The following RP1L1 variants were observed in gnomAD, a reference collection of about 807,000 sequenced individuals.
RP1L1 encodes the protein RP1 like 1.
In RP1L1, 27 loss-of-function variants were observed where a neutral mutation model predicts 15.7. That is an observed-to-expected ratio of 1.72 (90% confidence interval 1.27 to 2.38). The LOEUF is 2.38. Ranked by LOEUF, RP1L1 falls within the 30% of genes most tolerant of loss-of-function variation. The pLI is 0.00. For missense variants in RP1L1, 4,798 were observed against 3,075.9 expected (o/e 1.56, Z -13.24); for synonymous variants, 1,813 against 1,276.7 (o/e 1.42, Z -8.96).
rs919039498 is a variant in RP1L1 at position 10,625,431 on chromosome 8, G to C, written c.-19-2211C>G. Among the ~76,000 whole-genome samples, 145 of 151,772 alleles carry C rather than the reference G, an allele frequency of 9.6e-4. 1 individual carries two copies. The highest frequency in any genetic ancestry group is 3.3e-3 in the African/African-American group (135 of 41,324). Reference sequence around the variant, plus strand: ...AAAGACACAGGGAAGAGGGGGCCAGGCTGGAGGGTGCGTGTGGGGTGTGGT... The same window carrying C: ...AAAGACACAGGGAAGAGGGGGCCAGCCTGGAGGGTGCGTGTGGGGTGTGGT... On this transcript the variant is annotated intron_variant, in intron 1 of 3. Transcript: ENST00000382483.
intron 2 of RP1L1, among the ~76,000 whole-genome samples, chr8:10,618,402 G>A (rs1353803618): frequency 2.0e-5 from 3 of 152,314 alleles, no homozygotes; most frequent in African/African-American, 4.8e-5. Flanking sequence ...TAGCTACTTG[G>A]GAGGCTGAGG....
At position 10,613,173 on chromosome 8, in the gene RP1L1, T is replaced by G. The variant is rs745628558; in HGVS notation, c.925A>C (p.Met309Leu). 6 of 1,613,626 alleles carry G rather than the reference T, an allele frequency of 3.7e-6. No individual in the cohort carries two copies. The African/African-American group carries it at 4.0e-5, about 11-fold the overall frequency. Residue 309 changes from methionine to leucine, a missense_variant, in exon 4 of 4, where the codon ATG becomes CTG. Physicochemically the swap from Met to Leu is conservative, Grantham distance 15. Transcript: ENST00000382483. ...QSGPLVAGDDMKKKVRMNEDG... is the reference protein window; with the variant it reads ...QSGPLVAGDDLKKKVRMNEDG... ...TCATTCATGCGGACCTTCTTCTTCA[T>G]GTCATCGCCAGCCACCAGCGGGCCC...
In RP1L1 at chr8:10,637,979, A is replaced by G. The variant is rs1389799255; in HGVS notation, c.-19-14759T>C. Among the ~76,000 whole-genome samples, 3 of 152,182 alleles carry G rather than the reference A, an allele frequency of 2.0e-5. No homozygotes were observed. In the East Asian group the frequency reaches 5.8e-4, roughly 29 times the overall value. ...GCCCCAGGGCTGGGTCCCCTTTGCA[A>G]CAAGAATAGGCGATGGTGCCCACCC... On this transcript the variant is annotated intron_variant, in intron 1 of 3. Transcript: ENST00000382483.
intron 1 of RP1L1, among the ~76,000 whole-genome samples, chr8:10,642,509 T>A (rs764549923): frequency 2.6e-5 from 4 of 152,234 alleles, no homozygotes; most frequent in Non-Finnish European, 5.9e-5. Context: ...TAGTGAAACC[T>A]AGTACTAAAC....
At position 10,622,964 on chromosome 8, in the gene RP1L1, A is replaced by G. The variant is rs369432657; in HGVS notation, c.238T>C (p.Ser80Pro). The G allele has an allele frequency of 1.2e-6, 2 of 1,613,916 alleles. No individual in the cohort carries two copies. Among genetic ancestry groups the G allele is most frequent in the Non-Finnish European group, 1.7e-6 (2 of 1,180,014 alleles). The change falls in exon 2 of 4, where the codon TCT becomes CCT. Residue 80 changes from serine to proline, a missense_variant. Coordinates refer to ENST00000382483, the MANE Select transcript of RP1L1 (RefSeq NM_178857.6). ...TGCAGGCCCCGGGGTGTGGTGACAG[A>G]GCGCACCCCAAAGGAGAGAGGCACG... Reference protein sequence around the residue: ...QRVPLSFGVRSVTTPRGLHSL... With the variant: ...QRVPLSFGVRPVTTPRGLHSL...
chr8:10,651,816 C>T (rs1217853256), intron 1 of RP1L1, among the ~76,000 whole-genome samples: 2 of 151,514 alleles, frequency 1.3e-5, no homozygotes, highest in Non-Finnish European at 1.5e-5. Context: ...TGTAAAATCC[C>T]AAAGCATACA....
chr8:10,619,952 C>G (rs1026415555), intron 2 of RP1L1, among the ~76,000 whole-genome samples: 5 of 108,310 alleles, frequency 4.6e-5, no homozygotes, highest in African/African-American at 1.9e-4. Flanking sequence ...CAGAGGGAGA[C>G]TCCATCTCAA....
intron 1 of RP1L1, among the ~76,000 whole-genome samples, chr8:10,639,768 T>G (rs965839190): frequency 1.3e-5 from 2 of 152,160 alleles, no homozygotes; most frequent in Admixed American, 1.3e-4. Flanking sequence ...GAACCGTACA[T>G]AGACTACCTT....
intron 1 of RP1L1, among the ~76,000 whole-genome samples, chr8:10,651,461 G>C (rs1386119989): frequency 3.3e-5 from 5 of 152,194 alleles, no homozygotes. Context: ...GGGCGCAGTG[G>C]CTAACGTCTG....
At chr8:10,624,154 A>G (rs1798120289) in intron 1 of RP1L1, among the ~76,000 whole-genome samples, 1 of 152,206 alleles carries the variant, frequency 6.6e-6, no homozygotes, top group Admixed American at 6.5e-5. Context: ...CACTCTCAGA[A>G]TACTCATCAC....
intron 1 of RP1L1, among the ~76,000 whole-genome samples, chr8:10,648,062 C>T (rs1486852324): frequency 6.6e-6 from 1 of 151,744 alleles, no homozygotes; most frequent in Admixed American, 6.6e-5. Flanking sequence ...GACAGAGTCT[C>T]ACTCCGTTGT....
Position 10,616,556 on chromosome 8 carries a change from G to A in RP1L1, c.641C>T (p.Pro214Leu), listed in dbSNP as rs781277421. Residue 214 changes from proline to leucine, a missense_variant, in exon 3 of 4, where the codon CCC (proline) becomes CTC (leucine). By Grantham distance (98) the Pro-to-Leu change is moderately conservative. Coordinates refer to ENST00000382483, the MANE Select transcript of RP1L1 (RefSeq NM_178857.6). ...ATGCCCGGCACACACCAGCACAGAG[G>A]GGCTGTGCAGCAGGGCCTGCAGCGA... The part of the protein sequence containing the change: ...VDSLQALLHS[P>L]SVLVCAGHEA... 3.1e-6 allele frequency: 5 copies of A among 1,613,812 alleles called. No homozygotes were observed. Among genetic ancestry groups the A allele is most frequent in the Admixed American group, 3.3e-5 (2 of 60,032 alleles).
At position 10,611,972 on chromosome 8, in the gene RP1L1, G is replaced by A. The variant is rs771525678; in HGVS notation, c.2126C>T (p.Ser709Leu). The change falls in exon 4 of 4, where the codon TCG (serine) becomes TTG (leucine). Residue 709 changes from serine to leucine, a missense_variant. Physicochemically the swap from Ser to Leu is moderately radical, Grantham distance 145. Transcript: ENST00000382483. ...GSVPRYSGSS[S>L]STRTQASGNL... ...CCCAGAGGCCTGTGTCCTGGTGCTC[G>A]ATGAGCTTCCAGAATATCGTGGCAC... is the stretch of plus-strand genomic sequence containing the variant. 2.0e-5 allele frequency: 32 copies of A among 1,613,744 alleles called. No homozygotes were observed. Among genetic ancestry groups the A allele is most frequent in the Middle Eastern group, 1.6e-4 (1 of 6,084 alleles).
intron 2 of RP1L1, among the ~76,000 whole-genome samples, chr8:10,619,801 C>A (rs981772333): frequency 4.0e-5 from 6 of 151,504 alleles, no homozygotes; most frequent in East Asian, 3.9e-4. Context: ...ACAACAACAA[C>A]AAAAAAACAT....
chr8:10,610,867 G>C lies in RP1L1; in HGVS notation c.3231C>G (p.Gly1077=), dbSNP rs779905669. 126 of 1,608,502 alleles carry C rather than the reference G, an allele frequency of 7.8e-5. No individual in the cohort carries two copies. The highest frequency in any genetic ancestry group is 9.6e-5 in the Non-Finnish European group (113 of 1,177,276). Residue 1077 remains glycine (G), a synonymous_variant, in exon 4 of 4, where the codon GGC becomes GGG. Transcript: ENST00000382483. ...TGATCTGCGTGGAGGCAGACACCCG[G>C]CCAGGAAGTGCCCGCAGGCTCACCC... ...GCRVSLRALP[G]RVSASTQIMR...
Position 10,612,040 on chromosome 8 carries a change from C to T in RP1L1, c.2058G>A (p.Val686=), listed in dbSNP as rs1797868245. 6.2e-7 allele frequency: 1 copy of T among 1,613,782 alleles called. No individual in the cohort carries two copies. Among genetic ancestry groups the T allele is most frequent in the Admixed American group, 1.7e-5 (1 of 60,018 alleles). ...CCCTTCGCCGCTCAGGAGGCCTCGG[C>T]ACTTGCTTGGTTACAGAGGAGTCCA... ...SPLDSSVTKQ[V]PRPPERRRAC... The change falls in exon 4 of 4, where the codon GTG becomes GTA. Residue 686 remains valine, a synonymous_variant. Coordinates refer to ENST00000382483, the MANE Select transcript of RP1L1 (RefSeq NM_178857.6).
In RP1L1 at chr8:10,609,815, T is replaced by C; in HGVS notation, c.4283A>G (p.Gln1428Arg). ...GKGSQEDDPV[Q>R]EEEAGRASAS... ...AGAGGCTCTTCCTGCTTCCTCCTCC[T>C]GGACTGGGTCATCTTCCTGGGAGCC... Residue 1428 changes from glutamine to arginine, a missense_variant, in exon 4 of 4, where the codon CAG (glutamine) becomes CGG (arginine). Gln to Arg is a conservative substitution (Grantham distance 43). Coordinates refer to ENST00000382483, the MANE Select transcript of RP1L1 (RefSeq NM_178857.6). 1.2e-6 allele frequency: 2 copies of C among 1,614,072 alleles called. No homozygotes were observed. Among genetic ancestry groups the C allele is most frequent in the African/African-American group, 1.3e-5 (1 of 75,036 alleles).
At chr8:10,622,417 C>G (rs745638899) in intron 2 of RP1L1, among the ~76,000 whole-genome samples, 176 bp downstream of exon 2, 2 of 151,596 alleles carry the variant, frequency 1.3e-5, no homozygotes, top group African/African-American at 2.4e-5. Context: ...AAACATGAAT[C>G]ACAGCTGCTT....
chr8:10,628,240 G>C (rs1585986351), intron 1 of RP1L1, among the ~76,000 whole-genome samples: 1 of 152,314 alleles, frequency 6.6e-6, no homozygotes, highest in East Asian at 1.9e-4. Context: ...GAGTTTGTAG[G>C]AAAAGTTAGC....
Sources: allele counts gnomAD v4.1 joint callset (sites outside exome capture counted in the v4.1 genomes callset), GRCh38; gene constraint gnomAD v4.1.1; transcripts MANE v1.5; gene names NCBI Gene and HGNC (gene_info 2026-07-23, HGNC 2026-07-21).